The following SLC39A11 variants were observed in gnomAD, a reference collection of about 807,000 sequenced individuals.
SLC39A11 encodes the protein solute carrier family 39 member 11, also known as zinc transporter ZIP11.
SLC39A11 carries 33 observed loss-of-function variants against 36.1 expected under a neutral mutation model. The observed-to-expected ratio is 0.91, with a 90% CI of 0.69 to 1.22. The LOEUF (loss-of-function observed/expected upper bound fraction) is 1.22. SLC39A11 is among the 50% of genes most tolerant of loss of function. The pLI is 0.00. For missense variants in SLC39A11, 432 were observed against 430.3 expected (o/e 1.00, Z -0.03); for synonymous variants, 166 against 170.3 (o/e 0.97, Z 0.20).
chr17:72,847,945 C>T (rs1030542441), intron 6 of SLC39A11, among the ~76,000 whole-genome samples: 7 of 152,118 alleles, frequency 4.6e-5, no homozygotes, highest in Non-Finnish European at 1.0e-4. Context: ...AATGTATCAC[C>T]CAAGGATGCT....
chr17:72,771,216 G>C (rs1864683), intron 6 of SLC39A11, among the ~76,000 whole-genome samples: 47,966 of 151,818 alleles, frequency 0.32, 11,056 homozygotes, highest in African/African-American at 0.64. Flanking sequence ...AAGACCCCGT[G>C]TCTACTAAAA....
chr17:72,654,035 G>A lies in SLC39A11; in HGVS notation c.672-4767C>T, dbSNP rs74568236. Among the ~76,000 whole-genome samples, 649 of 152,264 alleles carry A rather than the reference G, an allele frequency of 4.3e-3. 5 individuals are homozygous for A. Among genetic ancestry groups the A allele is most frequent in the African/African-American group, 0.015 (628 of 41,554 alleles). On this transcript the variant is annotated intron_variant, in intron 7 of 9. Transcript: ENST00000255559. ...CTGGTCCCTTGTGTTTAAAATGTGC[G>A]TGTGTGTGCGGAAGGGTGGGGCATG...
chr17:72,948,949 T>A (rs190935812), intron 4 of SLC39A11, among the ~76,000 whole-genome samples: 1 of 151,832 alleles, frequency 6.6e-6, no homozygotes, highest in East Asian at 1.9e-4. Flanking sequence ...ATGCACAGGA[T>A]CTCAACAGGA....
chr17:72,929,270 C>CG (rs1034080732), intron 5 of SLC39A11, among the ~76,000 whole-genome samples: 3 of 152,162 alleles, frequency 2.0e-5, no homozygotes, highest in Non-Finnish European at 2.9e-5. Context: ...CACACATTGA[C>CG]GGGGGGTACT....
intron 3 of SLC39A11, 125 bp from the exon 4 acceptor site, chr17:73,031,839 C>T (rs1397594488): frequency 1.0e-6 from 1 of 995,562 alleles, no homozygotes; most frequent in Non-Finnish European, 1.5e-6. Context: ...GTCTTTCGTC[C>T]CAGGTTGGGA....
rs551656967 is a variant in SLC39A11, at chr17:72,780,565, G to T, written c.602-43846C>A. ...AACTGTGTGTCTGCTTTGTTATCTT[G>T]AACTTGCTCTGTGTCAGAGCAATTC... On this transcript the variant is annotated intron_variant, in intron 6 of 9. Transcript: ENST00000255559. 9.0e-4 allele frequency among the ~76,000 whole-genome samples: 133 copies of T among 148,578 alleles called. 1 individual carries two copies. Among genetic ancestry groups the T allele is most frequent in the African/African-American group, 3.1e-3 (125 of 40,746 alleles).
intron 5 of SLC39A11, among the ~76,000 whole-genome samples, chr17:72,938,649 C>A (rs1242468118): frequency 6.6e-6 from 1 of 152,202 alleles, no homozygotes; most frequent in Admixed American, 6.5e-5. Flanking sequence ...TGTGTGGCTT[C>A]AGGCACAGAC....
At chr17:72,799,518 C>A (rs552962782) in intron 6 of SLC39A11, among the ~76,000 whole-genome samples, 3 of 152,170 alleles carry the variant, frequency 2.0e-5, no homozygotes, top group East Asian at 1.9e-4. Flanking sequence ...TTGCTAAATT[C>A]TTTTCCTAGC....
At chr17:72,766,118 T>C (rs954088377) in intron 6 of SLC39A11, among the ~76,000 whole-genome samples, 6 of 152,132 alleles carry the variant, frequency 3.9e-5, no homozygotes, top group African/African-American at 1.4e-4. Context: ...GAATCACTTA[T>C]TGCTGCAGGG....
chr17:72,862,751 A>G (rs1467514537), intron 5 of SLC39A11, among the ~76,000 whole-genome samples: 1 of 152,140 alleles, frequency 6.6e-6, no homozygotes, highest in Non-Finnish European at 1.5e-5. Flanking sequence ...AAAGGACCAC[A>G]GGGCTGGAAG....
intron 5 of SLC39A11, among the ~76,000 whole-genome samples, chr17:72,946,380 A>G (rs2085431673): frequency 1.3e-5 from 2 of 152,240 alleles, no homozygotes; most frequent in Admixed American, 1.3e-4. Flanking sequence ...TTCTCCATGA[A>G]TAATTCATGC....
intron 5 of SLC39A11, among the ~76,000 whole-genome samples, chr17:72,902,208 T>C (rs938586241): frequency 2.0e-5 from 3 of 149,346 alleles, no homozygotes; most frequent in African/African-American, 7.4e-5. Flanking sequence ...GAGGTGGAGG[T>C]TGTGGTGATC....
At chr17:72,851,416 G>A (rs2079314720) in intron 5 of SLC39A11, among the ~76,000 whole-genome samples, 1 of 152,138 alleles carries the variant, frequency 6.6e-6, no homozygotes, top group Non-Finnish European at 1.5e-5. Context: ...TAGGTCTTGA[G>A]TGAATCTTAA....
At position 73,086,375 on chromosome 17, in the gene SLC39A11, G is replaced by A. The variant is rs894867732; in HGVS notation, c.109-1529C>T. ...TTTGCTATCTATCCATAGATGAATG[G>A]ATAAACAAAATGTGGTATGTACATA... is the stretch of plus-strand genomic sequence containing the variant. On this transcript the variant is annotated intron_variant, in intron 2 of 9. Transcript: ENST00000255559. Among the ~76,000 whole-genome samples the A allele has an allele frequency of 2.6e-5, 4 of 151,690 alleles. 1 individual carries two copies. The highest frequency in any genetic ancestry group is 2.6e-4 in the Admixed American group (4 of 15,228).
intron 6 of SLC39A11, among the ~76,000 whole-genome samples, chr17:72,751,282 T>C (rs1390752093): frequency 6.6e-6 from 1 of 152,128 alleles, no homozygotes; most frequent in East Asian, 1.9e-4. Context: ...ATTGGTGTGC[T>C]AACATATGAT....
At chr17:73,001,340 A>G (rs890624214) in intron 4 of SLC39A11, among the ~76,000 whole-genome samples, 3 of 145,074 alleles carry the variant, frequency 2.1e-5, no homozygotes. Flanking sequence ...CCTGACTGAT[A>G]GATATCAGCC....
At chr17:72,740,682 G>C (rs923980247) in intron 6 of SLC39A11, among the ~76,000 whole-genome samples, 1 of 152,220 alleles carries the variant, frequency 6.6e-6, no homozygotes, top group Non-Finnish European at 1.5e-5. Flanking sequence ...TAAGAACTGA[G>C]AGAGATCACT....
intron 6 of SLC39A11, among the ~76,000 whole-genome samples, chr17:72,787,252 G>GTTTT (rs1315321841): frequency 1.3e-5 from 1 of 75,840 alleles, no homozygotes; most frequent in Admixed American, 1.3e-4. Flanking sequence ...ATAACCCATG[G>GTTTT]CTTTTTTTTT....
intron 6 of SLC39A11, among the ~76,000 whole-genome samples, chr17:72,777,241 C>A (rs2144802008): frequency 6.6e-6 from 1 of 152,278 alleles, no homozygotes; most frequent in African/African-American, 2.4e-5. Context: ...CTTCAGGTCT[C>A]ATTTAGCCTG....
Sources: gnomAD v4.1 joint callset for allele counts (sites outside exome capture counted in the v4.1 genomes callset) on GRCh38, gnomAD v4.1.1 for gene constraint, MANE v1.5 for transcripts, NCBI Gene and HGNC (gene_info 2026-07-23, HGNC 2026-07-21) for gene names.